The following C1QTNF3 variants were observed in gnomAD, a reference collection of about 807,000 sequenced individuals.
C1QTNF3 encodes C1q and TNF related 3, also known as complement C1q tumor necrosis factor-related protein 3.
C1QTNF3 carries 26 observed loss-of-function variants against 32.6 expected under a neutral mutation model. That is an observed-to-expected ratio of 0.80 (90% confidence interval 0.58 to 1.11). The LOEUF (loss-of-function observed/expected upper bound fraction) is 1.11, where lower values mean the gene tolerates loss of function less well. Ranked by LOEUF, C1QTNF3 falls within the 50% of genes least tolerant of loss-of-function variation. The pLI is 0.00. For synonymous variants in C1QTNF3, 155 were observed against 146.0 expected (o/e 1.06, Z -0.44); for missense variants, 362 against 398.2 (o/e 0.91, Z 0.77).
chr5:34,243,170 AT>A, the C1QTNF3 span, among the ~76,000 whole-genome samples: 1 of 152,188 alleles, frequency 6.6e-6, no homozygotes, highest in Non-Finnish European at 1.5e-5. Flanking sequence ...ACGAACAGAT[AT>A]TTTCTCAAAA....
At chr5:34,053,546 C>T in the C1QTNF3 span, among the ~76,000 whole-genome samples, 2 of 152,146 alleles carry the variant, frequency 1.3e-5, no homozygotes, top group African/African-American at 4.8e-5. Context: ...CTTGGATGGC[C>T]CCATTTAAGA....
the C1QTNF3 span, among the ~76,000 whole-genome samples, chr5:34,063,979 C>T: frequency 5.3e-5 from 8 of 152,230 alleles, no homozygotes; most frequent in African/African-American, 1.9e-4. Context: ...TGATCTCAAC[C>T]AGCTAATGCC....
the C1QTNF3 span, among the ~76,000 whole-genome samples, chr5:34,128,008 C>T: frequency 2.0e-5 from 3 of 152,296 alleles, no homozygotes; most frequent in African/African-American, 4.8e-5. Context: ...GAGATCTTCA[C>T]GGCTGCAACT....
chr5:34,079,217 A>T, the C1QTNF3 span, among the ~76,000 whole-genome samples: 3 of 151,544 alleles, frequency 2.0e-5, no homozygotes, highest in South Asian at 6.2e-4. Context: ...TCTCTGAAAA[A>T]ATCCTCAATT....
At chr5:34,219,558 A>G in the C1QTNF3 span, among the ~76,000 whole-genome samples, 1 of 152,034 alleles carries the variant, frequency 6.6e-6, no homozygotes, top group African/African-American at 2.4e-5. Context: ...TCAAGAACAT[A>G]GAATATTGTG....
At chr5:34,099,959 C>A in the C1QTNF3 span, among the ~76,000 whole-genome samples, 1 of 151,436 alleles carries the variant, frequency 6.6e-6, no homozygotes, top group Non-Finnish European at 1.5e-5. Flanking sequence ...TGAGATTGGA[C>A]TCTTGTCACA....
the C1QTNF3 span, chr5:34,168,091 T>A: frequency 6.6e-6 from 1 of 152,096 alleles, no homozygotes; most frequent in Non-Finnish European, 1.5e-5. Context: ...AAGGTTCATA[T>A]GAAACTGTAA....
the C1QTNF3 span, among the ~76,000 whole-genome samples, chr5:34,056,159 ATTATGCAAGGT>A: frequency 6.6e-6 from 1 of 152,102 alleles, no homozygotes; most frequent in Admixed American, 6.5e-5. Flanking sequence ...TTGATTGAAA[ATTATGCAAGGT>A]TTTGATGAGT....
the C1QTNF3 span, among the ~76,000 whole-genome samples, chr5:34,184,658 G>C: frequency 6.6e-6 from 1 of 151,148 alleles, no homozygotes; most frequent in African/African-American, 2.4e-5. Flanking sequence ...AGGTTGTAGT[G>C]AGCCGCGATC....
chr5:34,241,042 C>A, the C1QTNF3 span, among the ~76,000 whole-genome samples: 1 of 152,018 alleles, frequency 6.6e-6, no homozygotes, highest in Admixed American at 6.6e-5. Flanking sequence ...TCAATGGATG[C>A]CGGAAAAGCT....
At chr5:34,028,425 T>C (rs1326389337) in intron 4 of C1QTNF3, among the ~76,000 whole-genome samples, 1 of 152,188 alleles carries the variant, frequency 6.6e-6, no homozygotes, top group East Asian at 1.9e-4. Context: ...AAGTCAGAGG[T>C]AAGTATGTCC....
At chr5:34,121,364 G>C in the C1QTNF3 span, among the ~76,000 whole-genome samples, 2 of 152,086 alleles carry the variant, frequency 1.3e-5, no homozygotes, top group Non-Finnish European at 2.9e-5. Context: ...AAGAAAAGGA[G>C]GTTTAATTGG....
the C1QTNF3 span, among the ~76,000 whole-genome samples, chr5:34,195,245 G>C: frequency 1.9e-4 from 29 of 152,322 alleles, no homozygotes; most frequent in African/African-American, 5.8e-4. Flanking sequence ...AAAATTTAAT[G>C]TCAATATGTG....
chr5:34,118,011 G>T, the C1QTNF3 span, among the ~76,000 whole-genome samples: 1 of 152,100 alleles, frequency 6.6e-6, no homozygotes, highest in East Asian at 1.9e-4. Context: ...GTAGTGATCT[G>T]TGTAACTATA....
chr5:34,242,301 C>CA, the C1QTNF3 span, among the ~76,000 whole-genome samples: 1 of 151,904 alleles, frequency 6.6e-6, no homozygotes, highest in African/African-American at 2.4e-5. Context: ...GATACTGTTA[C>CA]AAAAGCAGAC....
the C1QTNF3 span, among the ~76,000 whole-genome samples, chr5:34,213,465 T>C: frequency 6.6e-6 from 1 of 151,778 alleles, no homozygotes. Context: ...AATCTTATCA[T>C]TGAGGTCTAT....
the C1QTNF3 span, among the ~76,000 whole-genome samples, chr5:34,082,882 A>T: frequency 2.7e-4 from 41 of 151,816 alleles, no homozygotes; most frequent in Admixed American, 2.6e-3. Flanking sequence ...ATACATATGT[A>T]CATATGTTTC....
At chr5:34,210,313 C>G in the C1QTNF3 span, among the ~76,000 whole-genome samples, 1 of 151,984 alleles carries the variant, frequency 6.6e-6, no homozygotes, top group African/African-American at 2.4e-5. Context: ...ATGGCACATA[C>G]TACGTCATAG....
chr5:34,191,468 G>C, the C1QTNF3 span: 1 of 711,304 alleles, frequency 1.4e-6, no homozygotes, highest in East Asian at 2.7e-5. Flanking sequence ...GTCTCTTCGG[G>C]TCACACCCGC....
Sources: gnomAD v4.1 joint callset for allele counts (sites outside exome capture counted in the v4.1 genomes callset) on GRCh38, gnomAD v4.1.1 for gene constraint, MANE v1.5 for transcripts, NCBI Gene and HGNC (gene_info 2026-07-23, HGNC 2026-07-21) for gene names.